MARCHF1: variants seen among roughly 807,000 people sequenced by gnomAD.
MARCHF1 encodes E3 ubiquitin-protein ligase MARCHF1.
MARCHF1 carries 40 observed loss-of-function variants against 54.2 expected under a neutral mutation model. The ratio of observed to expected loss-of-function variants is 0.74; its 90% CI spans 0.57 to 0.96. The LOEUF (loss-of-function observed/expected upper bound fraction) is 0.96. Among genes scored for constraint, MARCHF1 ranks in the 40% least tolerant of loss-of-function variants. The pLI is 0.00. For missense variants in MARCHF1, 586 were observed against 656.5 expected, an observed-to-expected ratio of 0.89 and a Z score of 1.17; for synonymous variants, 236 against 236.3, an observed-to-expected ratio of 1.00 and a Z score of 0.01.
intron 1 of MARCHF1, among the ~76,000 whole-genome samples, chr4:164,121,568 T>C (rs915774397): frequency 3.9e-5 from 6 of 152,094 alleles, no homozygotes; most frequent in Non-Finnish European, 2.9e-5. Flanking sequence ...ACCCCCATGA[T>C]TCAATTACCT....
At chr4:163,842,034 G>C (rs1048093559) in intron 4 of MARCHF1, among the ~76,000 whole-genome samples, 1 of 152,046 alleles carries the variant, frequency 6.6e-6, no homozygotes, top group Non-Finnish European at 1.5e-5. Flanking sequence ...GGTGGCTTTT[G>C]GCTTTTAACC....
At chr4:164,225,345 T>A (rs2111163280) in intron 1 of MARCHF1, among the ~76,000 whole-genome samples, 1 of 152,174 alleles carries the variant, frequency 6.6e-6, no homozygotes, top group East Asian at 1.9e-4. Flanking sequence ...CAAATTCAAG[T>A]AACTCCTCTA....
At chr4:163,675,402 C>T (rs1184156027) in intron 5 of MARCHF1, among the ~76,000 whole-genome samples, 3 of 152,102 alleles carry the variant, frequency 2.0e-5, no homozygotes, top group Admixed American at 6.5e-5. Context: ...ATCCCAAAGG[C>T]GCTACAAATA....
At chr4:163,901,622 T>C (rs1750942862) in intron 3 of MARCHF1, among the ~76,000 whole-genome samples, 2 of 152,188 alleles carry the variant, frequency 1.3e-5, no homozygotes, top group African/African-American at 2.4e-5. Flanking sequence ...AAAATTGTTA[T>C]AGAAAAGCAT....
chr4:163,696,804 C>G (rs778571176), intron 5 of MARCHF1, among the ~76,000 whole-genome samples: 4 of 152,114 alleles, frequency 2.6e-5, no homozygotes, highest in African/African-American at 4.8e-5. Flanking sequence ...AAGAAATTTT[C>G]TCTGCTGCTA....
In MARCHF1 at chr4:164,129,327, A is replaced by G. The variant is rs552380269; in HGVS notation, c.-322-17665T>C. Reference sequence around the variant, plus strand: ...TTTTAGAACTTATTAAGGCAATTTTATAGTGGCTTGGTAATAATCTTTAAG... The same window carrying G: ...TTTTAGAACTTATTAAGGCAATTTTGTAGTGGCTTGGTAATAATCTTTAAG... On this transcript the variant is annotated intron_variant, in intron 1 of 9. Coordinates refer to ENST00000514618, the MANE Select transcript of MARCHF1 (RefSeq NM_001394959.1). 3.9e-5 allele frequency among the ~76,000 whole-genome samples: 6 copies of G among 152,308 alleles called. No individual in the cohort carries two copies. In the South Asian group the frequency reaches 1.2e-3, roughly 32 times the overall value.
chr4:164,272,152 G>T (rs1210746823), intron 1 of MARCHF1, among the ~76,000 whole-genome samples: 1 of 152,000 alleles, frequency 6.6e-6, no homozygotes, highest in Non-Finnish European at 1.5e-5. Context: ...GGAAGTAACA[G>T]AAAATCTCGT....
chr4:164,215,531 C>G (rs1033324744), intron 1 of MARCHF1, among the ~76,000 whole-genome samples: 2 of 152,186 alleles, frequency 1.3e-5, no homozygotes, highest in Non-Finnish European at 2.9e-5. Flanking sequence ...TCTGTGGGCA[C>G]AGGCCCAGGG....
At chr4:163,867,431 T>G (rs1486803820) in intron 3 of MARCHF1, among the ~76,000 whole-genome samples, 1 of 151,894 alleles carries the variant, frequency 6.6e-6, no homozygotes, top group African/African-American at 2.4e-5. Flanking sequence ...CTTCCATATA[T>G]GAAGTTAATT....
intron 3 of MARCHF1, among the ~76,000 whole-genome samples, chr4:163,952,248 T>C (rs1270075643): frequency 1.3e-5 from 2 of 152,224 alleles, no homozygotes; most frequent in African/African-American, 2.4e-5. Flanking sequence ...CACATTCTTT[T>C]ATTCTTTCTT....
At chr4:163,689,955 G>A (rs538890699) in intron 5 of MARCHF1, among the ~76,000 whole-genome samples, 38 of 152,150 alleles carry the variant, frequency 2.5e-4, no homozygotes, top group South Asian at 2.1e-3. Context: ...TACTATCTTG[G>A]CTCTAAGCTC....
chr4:163,797,316 A>G (rs921548083), intron 4 of MARCHF1, among the ~76,000 whole-genome samples: 16 of 146,282 alleles, frequency 1.1e-4, no homozygotes, highest in Non-Finnish European at 2.0e-4. Flanking sequence ...ATGTACTCTC[A>G]GTGTGATACG....
At position 163,610,366 on chromosome 4, in the gene MARCHF1, T is replaced by C. The variant is rs577402684; in HGVS notation, c.1010+1905A>G. On this transcript the variant is annotated intron_variant, in intron 7 of 9. Transcript: ENST00000514618. ...GATGGTAATCTCTAGCAGGAAATAA[T>C]ACCTATTGGCTCATCTATCTCACTT... 3.2e-4 allele frequency among the ~76,000 whole-genome samples: 49 copies of C among 152,188 alleles called. 1 individual carries two copies. The South Asian group carries it at 9.9e-3, about 31-fold the overall frequency.
intron 3 of MARCHF1, among the ~76,000 whole-genome samples, chr4:163,947,409 A>G (rs993444516): frequency 3.3e-5 from 5 of 152,192 alleles, no homozygotes; most frequent in Admixed American, 1.3e-4. Context: ...AATTCTGAAA[A>G]TGTAATGAAG....
At chr4:163,606,094 A>G (rs1741133473) in intron 7 of MARCHF1, among the ~76,000 whole-genome samples, 1 of 152,114 alleles carries the variant, frequency 6.6e-6, no homozygotes. Flanking sequence ...TATGAAACCT[A>G]TAGCATAATG....
At chr4:164,024,420 T>G (rs574506199) in intron 2 of MARCHF1, among the ~76,000 whole-genome samples, 1 of 152,064 alleles carries the variant, frequency 6.6e-6, no homozygotes, top group African/African-American at 2.4e-5. Context: ...ACAGAAGATA[T>G]TGGTGGCTTA....
At chr4:163,590,057 GGT>G (rs34885496) in intron 7 of MARCHF1, among the ~76,000 whole-genome samples, 3,628 of 145,878 alleles carry the variant, frequency 0.025, 87 homozygotes, top group African/African-American at 0.061. Flanking sequence ...TTTAGATTTT[GGT>G]GTGTGTGTGT....
At chr4:163,665,587 G>A (rs912710724) in intron 5 of MARCHF1, among the ~76,000 whole-genome samples, 9 of 152,148 alleles carry the variant, frequency 5.9e-5, no homozygotes, top group African/African-American at 2.2e-4. Context: ...GATGGAGCGT[G>A]TATAGCACTT....
intron 3 of MARCHF1, among the ~76,000 whole-genome samples, chr4:163,901,469 T>C (rs1579378936): frequency 6.6e-6 from 1 of 152,312 alleles, no homozygotes; most frequent in Middle Eastern, 3.4e-3. Context: ...TATTTCCCTG[T>C]GGCTCTCATT....
Sources: allele counts gnomAD v4.1 joint callset (sites outside exome capture counted in the v4.1 genomes callset), GRCh38; gene constraint gnomAD v4.1.1; transcripts MANE v1.5; gene names NCBI Gene and HGNC (gene_info 2026-07-23, HGNC 2026-07-21).